PTPRT: variants seen among roughly 807,000 people sequenced by gnomAD.
PTPRT encodes the protein receptor-type tyrosine-protein phosphatase T.
A neutral mutation model predicts 176.8 loss-of-function variants in PTPRT; 56 were observed. That is an observed-to-expected ratio of 0.32 (90% CI 0.26 to 0.40). The LOEUF (loss-of-function observed/expected upper bound fraction) is 0.40, where lower values mean the gene tolerates loss of function less well. Ranked by LOEUF, PTPRT falls within the 10% of genes least tolerant of loss-of-function variation. PTPRT has a pLI of 1.00. For missense variants in PTPRT, 1,540 were observed against 1,908.2 expected, an observed-to-expected ratio of 0.81 and a Z score of 3.60; for synonymous variants, 783 against 739.0, an observed-to-expected ratio of 1.06 and a Z score of -0.96.
intron 9 of PTPRT, 151 bp from the exon 10 acceptor site, chr20:42,352,436 A>C: frequency 2.9e-6 from 2 of 696,262 alleles, no homozygotes; most frequent in Non-Finnish European, 4.8e-6. Context: ...GTTGCTGTCC[A>C]CTTTCCAGAT....
chr20:42,392,473 C>T (rs1043009381), intron 9 of PTPRT, among the ~76,000 whole-genome samples: 2 of 152,076 alleles, frequency 1.3e-5, no homozygotes, highest in South Asian at 2.1e-4. Context: ...CCTTAACCCA[C>T]ATATTTATCT....
At chr20:43,077,463 C>G (rs1233424571) in intron 1 of PTPRT, among the ~76,000 whole-genome samples, 1 of 152,054 alleles carries the variant, frequency 6.6e-6, no homozygotes, top group Admixed American at 6.6e-5. Context: ...CGGTGTGGAT[C>G]AAAATTTTGT....
At chr20:42,486,402 A>G (rs888549813) in intron 7 of PTPRT, among the ~76,000 whole-genome samples, 7 of 152,198 alleles carry the variant, frequency 4.6e-5, no homozygotes, top group African/African-American at 1.7e-4. Context: ...ATCTGCAAAT[A>G]GTCTTGCTCA....
chr20:42,187,475 A>C lies in PTPRT; in HGVS notation c.2491+11765T>G, dbSNP rs746425840. ...CAGAGAATTATGGAAATGGTGATGCACTGAGCATAGGGGCTTTGCCCATCC... is the reference window on the plus strand; with the variant it reads ...CAGAGAATTATGGAAATGGTGATGCCCTGAGCATAGGGGCTTTGCCCATCC... On this transcript the variant is annotated intron_variant, in intron 16 of 30. Transcript: ENST00000373187. 6.6e-4 allele frequency among the ~76,000 whole-genome samples: 101 copies of C among 152,186 alleles called. 1 individual carries two copies. The highest frequency in any genetic ancestry group is 2.2e-4 in the Non-Finnish European group (15 of 68,026).
chr20:42,586,823 C>T (rs958753670), intron 7 of PTPRT, among the ~76,000 whole-genome samples: 3 of 152,116 alleles, frequency 2.0e-5, no homozygotes, highest in Non-Finnish European at 4.4e-5. Flanking sequence ...GTATATAACC[C>T]GAGACAGGGT....
At chr20:42,781,967 T>C (rs1019485586) in intron 3 of PTPRT, among the ~76,000 whole-genome samples, 1 of 152,194 alleles carries the variant, frequency 6.6e-6, no homozygotes, top group African/African-American at 2.4e-5. Context: ...CATCTTTAAT[T>C]ATAGTGTCTA....
At chr20:42,742,516 T>C (rs1280133454) in intron 6 of PTPRT, among the ~76,000 whole-genome samples, 1 of 152,088 alleles carries the variant, frequency 6.6e-6, no homozygotes, top group Admixed American at 6.5e-5. Context: ...CCTGACTTAA[T>C]ATGTGGTCTC....
intron 8 of PTPRT, among the ~76,000 whole-genome samples, chr20:42,464,447 G>A (rs1473393340): frequency 6.6e-6 from 1 of 152,126 alleles, no homozygotes; most frequent in East Asian, 1.9e-4. Context: ...GGGTGGTCAG[G>A]GAATGCCCTT....
intron 7 of PTPRT, among the ~76,000 whole-genome samples, chr20:42,611,202 G>A (rs1324529908): frequency 6.6e-6 from 1 of 152,198 alleles, no homozygotes; most frequent in Non-Finnish European, 1.5e-5. Context: ...TGGAATTGCT[G>A]AGCATGGAAC....
intron 7 of PTPRT, among the ~76,000 whole-genome samples, chr20:42,660,264 C>T (rs2075200224): frequency 6.6e-6 from 1 of 152,150 alleles, no homozygotes; most frequent in Non-Finnish European, 1.5e-5. Flanking sequence ...ATGGCACCCA[C>T]TCTGATAGGT....
At chr20:42,795,368 T>A (rs1396830435) in intron 2 of PTPRT, among the ~76,000 whole-genome samples, 2 of 152,222 alleles carry the variant, frequency 1.3e-5, no homozygotes, top group East Asian at 3.9e-4. Flanking sequence ...TATTGATGTG[T>A]CTGCAACACA....
At chr20:42,853,836 C>G (rs916849939) in intron 2 of PTPRT, among the ~76,000 whole-genome samples, 2 of 152,198 alleles carry the variant, frequency 1.3e-5, no homozygotes, top group African/African-American at 2.4e-5. Flanking sequence ...ATTGCGCCAG[C>G]AGGCTGACTT....
chr20:42,894,040 TAA>T (rs547948856), intron 1 of PTPRT, among the ~76,000 whole-genome samples: 1 of 147,324 alleles, frequency 6.8e-6, no homozygotes, highest in East Asian at 2.0e-4. Context: ...ATTAAAAAAT[TAA>T]AAAAAAAAGA....
intron 12 of PTPRT, among the ~76,000 whole-genome samples, chr20:42,287,676 T>C (rs548878336): frequency 4.6e-5 from 7 of 151,974 alleles, no homozygotes; most frequent in African/African-American, 1.7e-4. Context: ...AGGATGACTA[T>C]AGTTAAGCAA....
At chr20:42,453,043 C>T (rs2070858968) in intron 8 of PTPRT, among the ~76,000 whole-genome samples, 1 of 152,140 alleles carries the variant, frequency 6.6e-6, no homozygotes, top group Non-Finnish European at 1.5e-5. Context: ...TAAGTTGTAG[C>T]TTTTACTGTG....
intron 1 of PTPRT, among the ~76,000 whole-genome samples, chr20:42,928,418 T>C (rs1211000702): frequency 1.3e-5 from 2 of 152,158 alleles, no homozygotes; most frequent in African/African-American, 4.8e-5. Context: ...AGCTGGGAGC[T>C]GTGGGATGGA....
chr20:42,157,409 G>A (rs1490706939), intron 17 of PTPRT, among the ~76,000 whole-genome samples: 2 of 149,832 alleles, frequency 1.3e-5, no homozygotes, highest in Non-Finnish European at 1.5e-5. Context: ...ATACTGGCAC[G>A]ATCTCAGCTC....
At chr20:42,245,125 A>C (rs571906686) in intron 14 of PTPRT, among the ~76,000 whole-genome samples, 33 of 152,334 alleles carry the variant, frequency 2.2e-4, no homozygotes, top group Admixed American at 9.1e-4. Flanking sequence ...GAACATTCAG[A>C]ACTCTAGATG....
At chr20:42,080,983 A>C in intron 30 of PTPRT, 51 bp from the exon 31 acceptor site, 1 of 1,445,766 alleles carries the variant, frequency 6.9e-7, no homozygotes, top group Non-Finnish European at 9.7e-7. Context: ...GAGACGAGAG[A>C]GATGAAAAAG....
Sources: allele counts gnomAD v4.1 joint callset (sites outside exome capture counted in the v4.1 genomes callset), GRCh38; gene constraint gnomAD v4.1.1; transcripts MANE v1.5; gene names NCBI Gene and HGNC (gene_info 2026-07-23, HGNC 2026-07-21).